The following RBFOX1 variants were observed in gnomAD, a reference collection of about 807,000 sequenced individuals.
The protein encoded by RBFOX1 is RNA binding fox-1 homolog 1.
A neutral mutation model predicts 57.7 loss-of-function variants in RBFOX1; 8 were observed. The ratio of observed to expected loss-of-function variants is 0.14; its 90% CI spans 0.08 to 0.25. The LOEUF is 0.25. Ranked by LOEUF, RBFOX1 falls within the 10% of genes least tolerant of loss-of-function variation. The probability of loss-of-function intolerance (pLI) is 1.00; values close to 1 mark genes in which losing one functional copy is unlikely to be tolerated. For synonymous variants in RBFOX1, 326 were observed against 222.4 expected (o/e 1.47, Z -4.15); for missense variants, 611 against 548.5 (o/e 1.11, Z -1.14).
chr16:6,800,985 A>C (rs771740603), intron 3 of RBFOX1, among the ~76,000 whole-genome samples: 15 of 152,110 alleles, frequency 9.9e-5, no homozygotes, highest in South Asian at 2.1e-4. Flanking sequence ...GGAAATCAAT[A>C]AATGTTTGTT....
intron 4 of RBFOX1, among the ~76,000 whole-genome samples, chr16:5,886,363 C>A (rs1388370611): frequency 6.6e-6 from 1 of 152,134 alleles, no homozygotes; most frequent in African/African-American, 2.4e-5. Flanking sequence ...CAGTACCCAG[C>A]AAAGTAAGGC....
intron 3 of RBFOX1, among the ~76,000 whole-genome samples, chr16:5,638,928 T>G (rs984070137): frequency 5.8e-4 from 89 of 152,256 alleles, no homozygotes; most frequent in African/African-American, 1.9e-3. Flanking sequence ...AACTCAAATG[T>G]CCCCTGCTCT....
At chr16:6,927,550 T>G (rs1191265232) in intron 3 of RBFOX1, among the ~76,000 whole-genome samples, 1 of 152,214 alleles carries the variant, frequency 6.6e-6, no homozygotes, top group African/African-American at 2.4e-5. Flanking sequence ...TGTTTTGTTT[T>G]GTTTTTCGTT....
chr16:6,575,504 C>A (rs2097419877), intron 2 of RBFOX1, among the ~76,000 whole-genome samples: 1 of 152,060 alleles, frequency 6.6e-6, no homozygotes, highest in Non-Finnish European at 1.5e-5. Flanking sequence ...TAAATAAAGA[C>A]CCAAAACACT....
intron 1 of RBFOX1, among the ~76,000 whole-genome samples, chr16:5,371,454 C>G (rs1048227129): frequency 6.6e-6 from 1 of 152,186 alleles, no homozygotes; most frequent in African/African-American, 2.4e-5. Flanking sequence ...ATCCTGCCAA[C>G]GCTTTGATCT....
At chr16:7,214,508 C>T (rs1046670854) in intron 4 of RBFOX1, among the ~76,000 whole-genome samples, 1 of 151,992 alleles carries the variant, frequency 6.6e-6, no homozygotes, top group African/African-American at 2.4e-5. Flanking sequence ...CTCTCTGGTC[C>T]AAACCTCATC....
At chr16:5,247,702 C>T (rs995230474) in intron 1 of RBFOX1, among the ~76,000 whole-genome samples, 2 of 152,170 alleles carry the variant, frequency 1.3e-5, no homozygotes, top group Non-Finnish European at 2.9e-5. Context: ...CGACAGAGAC[C>T]TATGGCCTGC....
At position 6,120,668 on chromosome 16, in the gene RBFOX1, T is replaced by C. The variant is rs113408371; in HGVS notation, c.-127+100676T>C. ...TATAATAATTATTGTTATTAATTAT[T>C]AATATTAATTTTCCCTTTCCTTCTC... is the stretch of plus-strand genomic sequence containing the variant. On this transcript the variant is annotated intron_variant, in intron 1 of 15. Transcript: ENST00000550418. Among the ~76,000 whole-genome samples, 266 of 152,354 alleles carry C rather than the reference T, an allele frequency of 1.7e-3. No individual in the cohort carries two copies. The Middle Eastern group carries it at 0.024, about 14-fold the overall frequency.
chr16:5,621,602 G>A (rs1207400444), intron 3 of RBFOX1, among the ~76,000 whole-genome samples: 2 of 152,044 alleles, frequency 1.3e-5, no homozygotes, highest in African/African-American at 2.4e-5. Flanking sequence ...CTTCCCCTAC[G>A]GAAAATACTA....
chr16:5,465,883 C>T (rs921834878), intron 1 of RBFOX1, among the ~76,000 whole-genome samples: 3 of 152,138 alleles, frequency 2.0e-5, no homozygotes, highest in South Asian at 2.1e-4. Context: ...GTGCCTGAGA[C>T]CTTGGGCAGC....
intron 4 of RBFOX1, among the ~76,000 whole-genome samples, chr16:5,978,846 T>G (rs1006647646): frequency 6.6e-6 from 1 of 151,848 alleles, no homozygotes; most frequent in African/African-American, 2.4e-5. Context: ...CTTCTCATCA[T>G]ATAGCGAGAG....
intron 1 of RBFOX1, among the ~76,000 whole-genome samples, chr16:6,207,155 T>C (rs1024887363): frequency 6.6e-6 from 1 of 152,214 alleles, no homozygotes; most frequent in Non-Finnish European, 1.5e-5. Flanking sequence ...GTGATCAAAA[T>C]TAACCCTGCT....
At chr16:6,203,980 C>A in intron 1 of RBFOX1, among the ~76,000 whole-genome samples, 1 of 137,706 alleles carries the variant, frequency 7.3e-6, no homozygotes, top group South Asian at 2.3e-4. Flanking sequence ...TGTTTTGTTT[C>A]TTTTTTTTTT....
chr16:7,483,420 A>C (rs1357286037), intron 4 of RBFOX1, among the ~76,000 whole-genome samples: 1 of 152,204 alleles, frequency 6.6e-6, no homozygotes, highest in Non-Finnish European at 1.5e-5. Context: ...GATGGTAATA[A>C]TGTGTGTCAT....
At chr16:7,691,181 T>G (rs1227213823) in intron 14 of RBFOX1, among the ~76,000 whole-genome samples, 1 of 150,170 alleles carries the variant, frequency 6.7e-6, no homozygotes, top group Non-Finnish European at 1.5e-5. Context: ...GTTAACTCCT[T>G]TTAAATGTCA....
intron 4 of RBFOX1, among the ~76,000 whole-genome samples, chr16:7,501,753 C>T (rs1215516899): frequency 2.0e-5 from 3 of 152,214 alleles, no homozygotes; most frequent in Non-Finnish European, 4.4e-5. Flanking sequence ...TCAGGTTAGA[C>T]ATCAGTTCTT....
At chr16:6,965,371 C>G (rs371333399) in intron 3 of RBFOX1, among the ~76,000 whole-genome samples, 10 of 148,518 alleles carry the variant, frequency 6.7e-5, no homozygotes, top group African/African-American at 1.2e-4. Flanking sequence ...ATGATGGAGT[C>G]TTGGTCTGTT....
chr16:7,589,181 C>T (rs2094302093), intron 7 of RBFOX1, among the ~76,000 whole-genome samples: 1 of 152,180 alleles, frequency 6.6e-6, no homozygotes, highest in African/African-American at 2.4e-5. Context: ...CGAATGTTGA[C>T]CAACTTCGTT....
chr16:6,249,293 G>A (rs1231179905), intron 1 of RBFOX1, among the ~76,000 whole-genome samples: 4 of 152,136 alleles, frequency 2.6e-5, no homozygotes, highest in Non-Finnish European at 2.9e-5. Context: ...TTGGGAGGCC[G>A]AGGCAGATGG....
Sources: allele counts gnomAD v4.1 joint callset (sites outside exome capture counted in the v4.1 genomes callset), GRCh38; gene constraint gnomAD v4.1.1; transcripts MANE v1.5; gene names NCBI Gene and HGNC (gene_info 2026-07-23, HGNC 2026-07-21).